The following TMPRSS7 variants were observed in gnomAD, a reference collection of about 807,000 sequenced individuals.
TMPRSS7 encodes the protein transmembrane serine protease 7.
A neutral mutation model predicts 95.6 loss-of-function variants in TMPRSS7; 81 were observed. That is an observed-to-expected ratio of 0.85 (90% CI 0.71 to 1.02). The LOEUF (loss-of-function observed/expected upper bound fraction) is 1.02. TMPRSS7 is among the 50% of genes least tolerant of loss of function. The pLI, the probability that TMPRSS7 is intolerant of heterozygous loss-of-function variation, is 0.00. For synonymous variants in TMPRSS7, 364 were observed against 337.8 expected, an observed-to-expected ratio of 1.08 and a Z score of -0.85; for missense variants, 945 against 955.2, an observed-to-expected ratio of 0.99 and a Z score of 0.14.
At position 112,063,652 on chromosome 3, in the gene TMPRSS7, A is replaced by C. The variant is rs772662678; in HGVS notation, c.1555+20A>C. ...TTTGCGGTGGGTATTCAAGATTTTA[A>C]TATGACTTTCTTATGAATAAGTAAC... On this transcript the variant is annotated intron_variant, in intron 12 of 17. Coordinates refer to ENST00000452346, the Ensembl canonical transcript of TMPRSS7. 6.3e-7 allele frequency: 1 copy of C among 1,584,678 alleles called. No homozygotes were observed. The highest frequency in any genetic ancestry group is 8.7e-7 in the Non-Finnish European group (1 of 1,153,276).
At chr3:112,039,657 A>G (rs1344583389) in intron 2 of TMPRSS7, 1 of 152,276 alleles carries the variant, frequency 6.6e-6, no homozygotes, top group Non-Finnish European at 1.5e-5. Context: ...CCACAGGGAC[A>G]GAAGCTCCTA....
Position 112,076,931 on chromosome 3 carries a change from G to T in TMPRSS7, c.2011G>T (p.Ala671Ser), listed in dbSNP as rs368213654. 12 of 1,614,096 alleles carry T rather than the reference G, an allele frequency of 7.4e-6. No homozygotes were observed. The highest frequency in any genetic ancestry group is 1.0e-5 in the Non-Finnish European group (12 of 1,180,048). The change falls in exon 16 of 18, where the codon GCC (alanine) becomes TCC (serine). Residue 671 changes from alanine to serine, a missense_variant. Transcript: ENST00000452346. ...CCTCGGGATGTATGTTCAGGGGAAT[G>T]CCAAGTTTGTCTCCCCGGTGAGAAG...
In TMPRSS7 at chr3:112,039,034, T is replaced by C. The variant is rs2073180081; in HGVS notation, c.298+713T>C. Reference sequence around the variant, plus strand: ...ACCCACCACCTGTTTCTAGGCAACCTTGAATTTCCGGCTCCCTGAGCTCCA... The same window carrying C: ...ACCCACCACCTGTTTCTAGGCAACCCTGAATTTCCGGCTCCCTGAGCTCCA... On this transcript the variant is annotated intron_variant, in intron 2 of 17. Coordinates refer to ENST00000452346, the Ensembl canonical transcript of TMPRSS7. Among the ~76,000 whole-genome samples, 8 of 152,230 alleles carry C rather than the reference T, an allele frequency of 5.3e-5. No individual in the cohort carries two copies. The South Asian group carries it at 1.7e-3, about 32-fold the overall frequency.
intron 8 of TMPRSS7, among the ~76,000 whole-genome samples, chr3:112,050,468 A>G (rs915024746): frequency 6.7e-6 from 1 of 149,256 alleles, no homozygotes; most frequent in African/African-American, 2.5e-5. Flanking sequence ...CAAATATAGA[A>G]TTAGAGAATA....
At chr3:112,059,152 C>T (rs1163860656) in intron 10 of TMPRSS7, among the ~76,000 whole-genome samples, 6 of 152,198 alleles carry the variant, frequency 3.9e-5, no homozygotes, top group South Asian at 4.1e-4. Context: ...ATATGAACCC[C>T]GAAGAAATGG....
At chr3:112,076,590 C>G (rs970624537) in intron 15 of TMPRSS7, among the ~76,000 whole-genome samples, 4 of 152,180 alleles carry the variant, frequency 2.6e-5, no homozygotes, top group Admixed American at 1.3e-4. Context: ...TCATGAAATA[C>G]TAGTGGAAAG....
chr3:112,078,865 G>A lies in TMPRSS7; in HGVS notation c.2348G>A (p.Arg783Lys), dbSNP rs1031435076. ...TGTGCAGGCATAATGTCAGGCAAGA[G>A]AGATGCCTGCAAAGTAAGTCATTGT... The change falls in exon 17 of 18, where the codon AGA (arginine) becomes AAA (lysine). Residue 783 changes from arginine (R) to lysine (K), a missense_variant. Transcript: ENST00000452346. 1.9e-6 allele frequency: 3 copies of A among 1,613,762 alleles called. No homozygotes were observed. In the African/African-American group the frequency reaches 4.0e-5, roughly 22 times the overall value.
exon 3 of TMPRSS7, chr3:112,041,981 G>C (rs1392045429): frequency 4.5e-6 from 7 of 1,551,636 alleles, no homozygotes; most frequent in Non-Finnish European, 6.1e-6. Context: ...CCAACATTGA[G>C]TTTCTTCCCG....
At chr3:112,051,070 T>G (rs1327824971) in intron 9 of TMPRSS7, among the ~76,000 whole-genome samples, 1 of 152,076 alleles carries the variant, frequency 6.6e-6, no homozygotes, top group African/African-American at 2.4e-5. Context: ...TAGAGCACAT[T>G]TATCAATTTT....
At chr3:112,066,578 G>A in intron 13 of TMPRSS7, 76 bp downstream of exon 13, 1 of 1,271,514 alleles carries the variant, frequency 7.9e-7, no homozygotes, top group African/African-American at 1.5e-5. Context: ...ACCTCTGATG[G>A]GTTAGGGGTT....
At chr3:112,051,449 G>A (rs2073347709) in intron 9 of TMPRSS7, among the ~76,000 whole-genome samples, 1 of 152,116 alleles carries the variant, frequency 6.6e-6, no homozygotes, top group Admixed American at 6.6e-5. Context: ...ATCCTCCACA[G>A]ATACTAAGGG....
At chr3:112,037,327 T>C (rs1413528958) in intron 1 of TMPRSS7, among the ~76,000 whole-genome samples, 2 of 152,224 alleles carry the variant, frequency 1.3e-5, no homozygotes, top group East Asian at 3.8e-4. Flanking sequence ...AGTGTCTGCC[T>C]TATGCAGTTG....
intron 15 of TMPRSS7, among the ~76,000 whole-genome samples, chr3:112,075,976 A>T (rs1046715201): frequency 1.1e-4 from 16 of 151,786 alleles, no homozygotes; most frequent in African/African-American, 3.9e-4. Flanking sequence ...TTTTTTTTTT[A>T]GTATTTCAAT....
chr3:112,053,058 A>C (rs2073382034), intron 9 of TMPRSS7, among the ~76,000 whole-genome samples: 1 of 152,184 alleles, frequency 6.6e-6, no homozygotes, highest in Non-Finnish European at 1.5e-5. Flanking sequence ...TGTCCTCCTC[A>C]GTGTAGAGGT....
chr3:112,063,831 G>A (rs2073543047), intron 12 of TMPRSS7, among the ~76,000 whole-genome samples, 199 bp downstream of exon 12: 1 of 152,094 alleles, frequency 6.6e-6, no homozygotes, highest in Non-Finnish European at 1.5e-5. Context: ...ACTAATCTAG[G>A]CTGGGCTCAT....
chr3:112,040,464 T>G (rs1014188886), intron 2 of TMPRSS7, among the ~76,000 whole-genome samples: 1 of 152,162 alleles, frequency 6.6e-6, no homozygotes, highest in African/African-American at 2.4e-5. Flanking sequence ...TTGAGACTGT[T>G]CATTATGTGT....
chr3:112,070,916 CTT>C (rs1283541916), intron 13 of TMPRSS7, among the ~76,000 whole-genome samples: 2 of 152,154 alleles, frequency 1.3e-5, no homozygotes, highest in African/African-American at 4.8e-5. Flanking sequence ...CAGTCTGTGT[CTT>C]TTAACTGGGG....
At chr3:112,037,318 G>T (rs537400184) in intron 1 of TMPRSS7, among the ~76,000 whole-genome samples, 2 of 152,336 alleles carry the variant, frequency 1.3e-5, no homozygotes, top group Admixed American at 1.3e-4. Context: ...CCGTCTAGGA[G>T]TGTCTGCCTT....
intron 15 of TMPRSS7, among the ~76,000 whole-genome samples, chr3:112,076,385 A>G (rs146822926): frequency 1.3e-5 from 2 of 152,348 alleles, no homozygotes; most frequent in South Asian, 4.1e-4. Context: ...AGTAGTGATC[A>G]TTAAGGCTTC....
Sources: allele counts gnomAD v4.1 joint callset (sites outside exome capture counted in the v4.1 genomes callset), GRCh38; gene constraint gnomAD v4.1.1; transcripts MANE v1.5; gene names NCBI Gene and HGNC (gene_info 2026-07-23, HGNC 2026-07-21).